The following PPIP5K2 variants were observed in gnomAD, a reference collection of about 807,000 sequenced individuals.
PPIP5K2 encodes the protein inositol hexakisphosphate and diphosphoinositol-pentakisphosphate kinase 2.
Under a neutral mutation model 154.6 loss-of-function variants are expected in PPIP5K2, and 105 were observed. The ratio of observed to expected loss-of-function variants is 0.68; its 90% CI spans 0.58 to 0.80. PPIP5K2 has a LOEUF of 0.80. Ranked by LOEUF, PPIP5K2 falls within the 30% of genes least tolerant of loss-of-function variation. The pLI is 0.00. For synonymous variants in PPIP5K2, 480 were observed against 490.3 expected, an observed-to-expected ratio of 0.98 and a Z score of 0.28; for missense variants, 992 against 1,504.6, an observed-to-expected ratio of 0.66 and a Z score of 5.64.
In PPIP5K2 at chr5:103,210,585, C is replaced by A. The variant is rs140204316; in HGVS notation, c.*8951C>A. 6.6e-6 allele frequency: 1 copy of A among 152,092 alleles called. No individual in the cohort carries two copies. Among genetic ancestry groups the A allele is most frequent in the East Asian group, 1.9e-4 (1 of 5,164 alleles). The allele number at this position is 152,092 out of a possible 1,614,324, so 9.4% of individuals were successfully genotyped here. A position where few individuals can be genotyped will look rare whatever the true frequency, so the allele number is the denominator to read the frequency against. On this transcript the variant is annotated 3_prime_UTR_variant, in exon 31 of 31. Transcript: ENST00000358359. ...ATCTGGGAGACTCTAGAATCTTTAC[C>A]ATTCCCTCTACTATTCCTAGCTCCC...
chr5:103,170,700 T>C (rs1412882895), intron 19 of PPIP5K2, among the ~76,000 whole-genome samples: 2 of 151,382 alleles, frequency 1.3e-5, no homozygotes, highest in African/African-American at 2.4e-5. Flanking sequence ...ATAAATATTA[T>C]CTTGCTTTGT....
chr5:103,176,253 C>A (rs1554220911), intron 21 of PPIP5K2, among the ~76,000 whole-genome samples: 1 of 151,952 alleles, frequency 6.6e-6, no homozygotes, highest in African/African-American at 2.4e-5. Context: ...ATAACTGCAA[C>A]ACTGAGTTAG....
intron 1 of PPIP5K2, chr5:103,120,703 C>A (rs1554198707): frequency 3.1e-6 from 1 of 324,322 alleles, no homozygotes; most frequent in Non-Finnish European, 6.3e-6. Context: ...CTCCTGCTCC[C>A]CCATGGCTTC....
chr5:103,189,293 A>G (rs782783661), intron 28 of PPIP5K2: 24 of 1,246,792 alleles, frequency 1.9e-5, no homozygotes, highest in Non-Finnish European at 2.6e-5. Flanking sequence ...TAACCCTTTC[A>G]TTGTGCATTA....
At chr5:103,181,151 A>G (rs554415010) in intron 24 of PPIP5K2, among the ~76,000 whole-genome samples, 1 of 152,234 alleles carries the variant, frequency 6.6e-6, no homozygotes, top group East Asian at 1.9e-4. Context: ...TAGCACCTGT[A>G]TACATTTTTA....
chr5:103,168,607 C>A (rs376152754), intron 19 of PPIP5K2, among the ~76,000 whole-genome samples: 1 of 151,626 alleles, frequency 6.6e-6, no homozygotes, highest in African/African-American at 2.4e-5. Flanking sequence ...ATACATAGCA[C>A]GTCCTCCCCC....
intron 19 of PPIP5K2, among the ~76,000 whole-genome samples, chr5:103,172,269 C>T (rs1330463962): frequency 6.6e-6 from 1 of 151,558 alleles, no homozygotes; most frequent in South Asian, 2.1e-4. Flanking sequence ...AGGTAAATGA[C>T]CACAGGAAGT....
rs1803746945 is a variant in PPIP5K2 at position 103,210,500 on chromosome 5, G to A, written c.*8866G>A. On this transcript the variant is annotated 3_prime_UTR_variant, in exon 31 of 31. Coordinates refer to ENST00000358359, the MANE Select transcript of PPIP5K2 (RefSeq NM_001276277.3). ...GATAGAATAAGGAGCTGGGAGAAAG[G>A]AGACCTGGGTATTAATCTCAGCTCT... is the stretch of plus-strand genomic sequence containing the variant. 1 of 152,084 alleles carries A rather than the reference G, an allele frequency of 6.6e-6. No individual in the cohort carries two copies. The highest frequency in any genetic ancestry group is 1.5e-5 in the Non-Finnish European group (1 of 67,996). 9.4% of individuals were successfully genotyped at this position (152,084 alleles called of 1,614,324 possible). A position where few individuals can be genotyped will look rare whatever the true frequency, so the allele number is the denominator to read the frequency against.
At position 103,205,563 on chromosome 5, in the gene PPIP5K2, T is replaced by C. The variant is rs970997859; in HGVS notation, c.*3929T>C. The C allele has an allele frequency of 1.3e-5, 2 of 152,262 alleles. No individual in the cohort carries two copies. Among genetic ancestry groups the C allele is most frequent in the Non-Finnish European group, 2.9e-5 (2 of 68,048 alleles). 9.4% of individuals were successfully genotyped at this position (152,262 alleles called of 1,614,324 possible). A position where few individuals can be genotyped will look rare whatever the true frequency, so the allele number is the denominator to read the frequency against. ...AGATGGTATCTCATTTGTAAGATGA[T>C]ATCTCATTGAGATTTTTATAAACTG... On this transcript the variant is annotated 3_prime_UTR_variant, in exon 31 of 31. Transcript: ENST00000358359.
chr5:103,163,340 T>C (rs1796647473), intron 17 of PPIP5K2, among the ~76,000 whole-genome samples: 1 of 151,958 alleles, frequency 6.6e-6, no homozygotes. Flanking sequence ...GCTAAGGTGA[T>C]TGATATTGTG....
intron 27 of PPIP5K2, among the ~76,000 whole-genome samples, chr5:103,186,699 T>C (rs1800443754): frequency 6.6e-6 from 1 of 152,236 alleles, no homozygotes; most frequent in Non-Finnish European, 1.5e-5. Flanking sequence ...ATGTGTATTC[T>C]TCTTTTAGAT....
At chr5:103,187,533 T>G (rs1554225590) in intron 28 of PPIP5K2, among the ~76,000 whole-genome samples, 157 bp downstream of exon 28, 1 of 152,154 alleles carries the variant, frequency 6.6e-6, no homozygotes, top group African/African-American at 2.4e-5. Flanking sequence ...AAATTATTGA[T>G]ACTGTCTAGC....
intron 21 of PPIP5K2, among the ~76,000 whole-genome samples, chr5:103,176,283 A>G (rs1554220923): frequency 6.6e-6 from 1 of 152,050 alleles, no homozygotes. Context: ...GGTGTTCTTA[A>G]TACTGGAGTA....
rs1803440505 is a variant in PPIP5K2, at chr5:103,205,177, C to CA, written c.*3543_*3544insA. ...CCAGCTTCATCCATGTCCTTGTCAT[C>CA]CTTTTTTTTGGCTGCATAGTATTCC... On this transcript the variant is annotated 3_prime_UTR_variant, in exon 31 of 31. Coordinates refer to ENST00000358359, the MANE Select transcript of PPIP5K2 (RefSeq NM_001276277.3). 1 of 150,644 alleles carries CA rather than the reference C, an allele frequency of 6.6e-6. No individual in the cohort carries two copies. The highest frequency in any genetic ancestry group is 2.5e-5 in the African/African-American group (1 of 39,998). The allele number at this position is 150,644 out of a possible 1,614,324, so 9.3% of individuals were successfully genotyped here.
intron 4 of PPIP5K2, among the ~76,000 whole-genome samples, chr5:103,137,599 C>T (rs1296831941): frequency 8.5e-5 from 13 of 152,072 alleles, no homozygotes; most frequent in Non-Finnish European, 1.6e-4. Flanking sequence ...GTATTTCATT[C>T]AATCAATGTT....
chr5:103,187,114 T>C (rs1800509684), intron 27 of PPIP5K2, among the ~76,000 whole-genome samples, 200 bp from the exon 28 acceptor site: 1 of 152,196 alleles, frequency 6.6e-6, no homozygotes, highest in Non-Finnish European at 1.5e-5. Flanking sequence ...CTTTCTTTTG[T>C]ATATTTCATT....
chr5:103,149,344 A>G (rs1466570204), intron 8 of PPIP5K2, 31 bp downstream of exon 8: 1 of 1,550,378 alleles, frequency 6.5e-7, no homozygotes, highest in Non-Finnish European at 8.7e-7. Context: ...ATAGATCCTT[A>G]TAAAGGTAAA....
At chr5:103,167,427 G>C in intron 18 of PPIP5K2, 107 bp downstream of exon 18, 1 of 991,696 alleles carries the variant, frequency 1.0e-6, no homozygotes, top group Non-Finnish European at 1.4e-6. Flanking sequence ...CCTCTCTTGA[G>C]AGCTATGTAT....
chr5:103,135,011 T>C (rs1554203727), intron 3 of PPIP5K2, among the ~76,000 whole-genome samples: 1 of 152,220 alleles, frequency 6.6e-6, no homozygotes, highest in Non-Finnish European at 1.5e-5. Context: ...CTTTTTCTCT[T>C]AACTATTCTG....
Sources: allele counts gnomAD v4.1 joint callset (sites outside exome capture counted in the v4.1 genomes callset), GRCh38; gene constraint gnomAD v4.1.1; transcripts MANE v1.5; gene names NCBI Gene and HGNC (gene_info 2026-07-23, HGNC 2026-07-21).